The following ASB3 variants were observed in gnomAD, a reference collection of about 807,000 sequenced individuals.
ASB3 encodes the protein ankyrin repeat and SOCS box containing 3, also known as ankyrin repeat and SOCS box protein 3.
A neutral mutation model predicts 54.5 loss-of-function variants in ASB3; 41 were observed. That is an observed-to-expected ratio of 0.75 (90% CI 0.59 to 0.98). The LOEUF is 0.98. Ranked by LOEUF, ASB3 falls within the 50% of genes least tolerant of loss-of-function variation. The probability of loss-of-function intolerance (pLI) is 0.00; values close to 1 mark genes in which losing one functional copy is unlikely to be tolerated. For synonymous variants in ASB3, 266 were observed against 221.2 expected, an observed-to-expected ratio of 1.20 and a Z score of -1.80; for missense variants, 733 against 620.0, an observed-to-expected ratio of 1.18 and a Z score of -1.94.
chr2:53,757,720 T>A (rs546373446), intron 2 of ASB3, among the ~76,000 whole-genome samples: 1 of 152,280 alleles, frequency 6.6e-6, no homozygotes, highest in African/African-American at 2.4e-5. Context: ...GGTGTCCCAG[T>A]TTAGATATAC....
intron 3 of ASB3, among the ~76,000 whole-genome samples, chr2:53,741,759 T>G (rs1671945571): frequency 6.6e-6 from 1 of 152,218 alleles, no homozygotes; most frequent in Non-Finnish European, 1.5e-5. Flanking sequence ...GGCATTTCCC[T>G]TTACTTTTCT....
chr2:53,750,714 T>G, intron 3 of ASB3, 69 bp downstream of exon 3: 1 of 1,397,030 alleles, frequency 7.2e-7, no homozygotes, highest in South Asian at 2.0e-5. Context: ...GAAGGAAAAA[T>G]TAAGCTTAGT....
intron 3 of ASB3, among the ~76,000 whole-genome samples, chr2:53,744,317 G>C (rs749979573): frequency 6.6e-6 from 1 of 150,422 alleles, no homozygotes; most frequent in Non-Finnish European, 1.5e-5. Flanking sequence ...CCGGGACGCA[G>C]AGCTTGCAGT....
chr2:53,727,472 A>C (rs556258625), intron 5 of ASB3, among the ~76,000 whole-genome samples: 1 of 152,220 alleles, frequency 6.6e-6, no homozygotes, highest in African/African-American at 2.4e-5. Context: ...GTCTTAAAAA[A>C]AAAAGGTTTT....
intron 2 of ASB3, among the ~76,000 whole-genome samples, chr2:53,762,609 T>G (rs916590419): frequency 5.3e-5 from 8 of 152,194 alleles, no homozygotes; most frequent in Admixed American, 3.3e-4. Context: ...ATTATAAGAT[T>G]TTTAAGGGAC....
intron 9 of ASB3, among the ~76,000 whole-genome samples, chr2:53,671,924 C>T (rs1379476062): frequency 6.6e-6 from 1 of 152,132 alleles, no homozygotes; most frequent in Non-Finnish European, 1.5e-5. Context: ...GATGAACAGA[C>T]CAGGATCAGA....
intron 2 of ASB3, among the ~76,000 whole-genome samples, chr2:53,753,545 T>C (rs1308662368): frequency 3.3e-5 from 5 of 152,096 alleles, no homozygotes; most frequent in Admixed American, 6.5e-5. Flanking sequence ...TTATAATATA[T>C]AAATATATGT....
At chr2:53,760,134 G>C (rs1334652405) in intron 2 of ASB3, among the ~76,000 whole-genome samples, 1 of 152,104 alleles carries the variant, frequency 6.6e-6, no homozygotes, top group Admixed American at 6.6e-5. Context: ...CCACTCCTTT[G>C]TTAGGGAGAG....
At chr2:53,716,930 TC>T (rs1431960439) in intron 5 of ASB3, among the ~76,000 whole-genome samples, 187 bp from the exon 6 acceptor site, 28 of 152,228 alleles carry the variant, frequency 1.8e-4, no homozygotes, top group Admixed American at 1.8e-3. Context: ...TAAATTGTCT[TC>T]GCTAAACTGA....
chr2:53,711,634 C>T (rs373661905), intron 7 of ASB3, among the ~76,000 whole-genome samples: 1 of 152,116 alleles, frequency 6.6e-6, no homozygotes, highest in Non-Finnish European at 1.5e-5. Context: ...AGTAGCTGAG[C>T]ATGGTGGCAC....
intron 9 of ASB3, among the ~76,000 whole-genome samples, chr2:53,688,077 C>G (rs1668725769): frequency 6.6e-6 from 1 of 152,214 alleles, no homozygotes. Flanking sequence ...ACCTCGGCCT[C>G]TCAAAGTGGG....
At position 53,736,700 on chromosome 2, in the gene ASB3, G is replaced by GAA. The variant is rs60348593; in HGVS notation, c.356-7132_356-7131dup. On this transcript the variant is annotated intron_variant, in intron 3 of 9. Transcript: ENST00000263634. ...GGCGACAGAGTGAGATTCCATCTCA[G>GAA]AAAAAAAAAAAAAAAATTGAGTAGG... 6.8e-3 allele frequency among the ~76,000 whole-genome samples: 895 copies of GAA among 130,820 alleles called. 10 individuals are homozygous for GAA. The highest frequency in any genetic ancestry group is 0.023 in the African/African-American group (822 of 35,516). 85.8% of individuals were successfully genotyped at this position (130,820 alleles called of 152,430 possible).
At chr2:53,758,218 G>A (rs967090996) in intron 2 of ASB3, among the ~76,000 whole-genome samples, 18 of 152,156 alleles carry the variant, frequency 1.2e-4, no homozygotes, top group African/African-American at 4.3e-4. Flanking sequence ...TGAGACCACT[G>A]ACAACACATA....
chr2:53,760,998 C>G (rs1166427634), intron 2 of ASB3, among the ~76,000 whole-genome samples: 1 of 152,202 alleles, frequency 6.6e-6, no homozygotes, highest in African/African-American at 2.4e-5. Context: ...GAAATCTAAA[C>G]TGCACGACCC....
chr2:53,772,749 T>C lies in ASB3; in HGVS notation c.-13-7164A>G, dbSNP rs1674031577. On this transcript the variant is annotated intron_variant, in intron 1 of 9. Transcript: ENST00000263634. ...GAGTACATGTGCAGGATGTGCAAGT[T>C]TGTTACATAGGTAAACATGTGTCAT... is the stretch of plus-strand genomic sequence containing the variant. Among the ~76,000 whole-genome samples, 5 of 152,220 alleles carry C rather than the reference T, an allele frequency of 3.3e-5. No homozygotes were observed. In the South Asian group the frequency reaches 1.0e-3, roughly 32 times the overall value.
intron 1 of ASB3, among the ~76,000 whole-genome samples, chr2:53,780,406 G>A (rs183795182): frequency 8.7e-4 from 132 of 152,110 alleles, no homozygotes; most frequent in Non-Finnish European, 1.5e-3. Context: ...GATAGTCCCC[G>A]GCTATCAAGA....
At chr2:53,691,066 G>T (rs1421312868) in intron 9 of ASB3, among the ~76,000 whole-genome samples, 2 of 152,144 alleles carry the variant, frequency 1.3e-5, no homozygotes, top group Non-Finnish European at 2.9e-5. Context: ...GTATGTAAGA[G>T]GCACTTGATT....
At chr2:53,754,835 T>C (rs1348918267) in intron 2 of ASB3, among the ~76,000 whole-genome samples, 1 of 152,236 alleles carries the variant, frequency 6.6e-6, no homozygotes, top group East Asian at 1.9e-4. Context: ...CAAAGTATCA[T>C]TTTAAGAAAA....
At chr2:53,740,991 T>C (rs1002399702) in intron 3 of ASB3, among the ~76,000 whole-genome samples, 1 of 152,210 alleles carries the variant, frequency 6.6e-6, no homozygotes, top group Non-Finnish European at 1.5e-5. Flanking sequence ...AACACTGTAA[T>C]TCTACTACTT....
Sources: allele counts gnomAD v4.1 joint callset (sites outside exome capture counted in the v4.1 genomes callset), GRCh38; gene constraint gnomAD v4.1.1; transcripts MANE v1.5; gene names NCBI Gene and HGNC (gene_info 2026-07-23, HGNC 2026-07-21).